The following POLD3 variants were observed in gnomAD, a reference collection of about 807,000 sequenced individuals.
POLD3 encodes the protein DNA polymerase delta subunit 3.
POLD3 carries 19 observed loss-of-function variants against 58.2 expected under a neutral mutation model. The observed-to-expected ratio is 0.33, with a 90% CI of 0.23 to 0.48. The LOEUF is 0.48. POLD3 is among the 20% of genes least tolerant of loss of function. The probability of loss-of-function intolerance (pLI) is 0.99; values close to 1 mark genes in which losing one functional copy is unlikely to be tolerated. For missense variants in POLD3, 504 were observed against 545.5 expected (o/e 0.92, Z 0.76); for synonymous variants, 172 against 193.5 (o/e 0.89, Z 0.92).
At chr11:74,634,056 A>G (rs753576099) in intron 9 of POLD3, among the ~76,000 whole-genome samples, 17 of 152,200 alleles carry the variant, frequency 1.1e-4, no homozygotes, top group Admixed American at 1.3e-4. Context: ...CTCCACATAG[A>G]TCTTGAGAGA....
intron 2 of POLD3, among the ~76,000 whole-genome samples, chr11:74,598,991 A>C (rs903353685): frequency 6.6e-6 from 1 of 152,244 alleles, no homozygotes; most frequent in Non-Finnish European, 1.5e-5. Context: ...AGTGTCAGGC[A>C]CATAATGAAT....
At chr11:74,634,502 C>A in intron 9 of POLD3, 81 bp from the exon 10 acceptor site, 1 of 786,250 alleles carries the variant, frequency 1.3e-6, no homozygotes, top group Non-Finnish European at 2.3e-6. Flanking sequence ...CTGGACATGT[C>A]AATTTAGAGA....
At chr11:74,610,726 A>G (rs985963103) in intron 3 of POLD3, among the ~76,000 whole-genome samples, 17 of 151,594 alleles carry the variant, frequency 1.1e-4, no homozygotes, top group Non-Finnish European at 1.8e-4. Context: ...CCTCTTTCTT[A>G]GCTTATAGCA....
At chr11:74,661,751 G>T (rs980726131) in intron 4 of POLD3, among the ~76,000 whole-genome samples, 1 of 152,212 alleles carries the variant, frequency 6.6e-6, no homozygotes, top group Admixed American at 6.5e-5. Flanking sequence ...AGCCAGCCAG[G>T]TTTGTGTCCT....
chr11:74,608,220 AT>A, intron 3 of POLD3, among the ~76,000 whole-genome samples: 1 of 152,284 alleles, frequency 6.6e-6, no homozygotes, highest in African/African-American at 2.4e-5. Flanking sequence ...GGTCCAAGCG[AT>A]CCCCTTGCCT....
intron 4 of POLD3, among the ~76,000 whole-genome samples, chr11:74,650,638 C>T (rs989217943): frequency 3.3e-5 from 5 of 152,196 alleles, no homozygotes; most frequent in Non-Finnish European, 5.9e-5. Flanking sequence ...TTTCTCTGTT[C>T]ACCTCCTGAG....
At chr11:74,626,709 G>T (rs934876854) in intron 8 of POLD3, among the ~76,000 whole-genome samples, 1 of 152,130 alleles carries the variant, frequency 6.6e-6, no homozygotes, top group Admixed American at 6.6e-5. Context: ...TCTTTATCAA[G>T]TTGCTGTGTC....
chr11:74,658,273 G>A (rs1330933484), intron 4 of POLD3, among the ~76,000 whole-genome samples: 1 of 152,136 alleles, frequency 6.6e-6, no homozygotes, highest in East Asian at 1.9e-4. Flanking sequence ...CACAAAAATA[G>A]CACAGGAAAG....
chr11:74,627,877 G>A (rs2032477577), intron 8 of POLD3, among the ~76,000 whole-genome samples: 1 of 152,126 alleles, frequency 6.6e-6, no homozygotes, highest in Non-Finnish European at 1.5e-5. Flanking sequence ...ATATGTCCCT[G>A]TCATTAAGTG....
intron 8 of POLD3, among the ~76,000 whole-genome samples, chr11:74,628,501 C>T (rs1591311837): frequency 6.6e-6 from 1 of 152,086 alleles, no homozygotes; most frequent in South Asian, 2.1e-4. Context: ...CTCTAACATT[C>T]AGTAGGCCTT....
At chr11:74,593,030 C>T in intron 1 of POLD3, 1 of 1,186,614 alleles carries the variant, frequency 8.4e-7, no homozygotes, top group Non-Finnish European at 1.1e-6. Context: ...CTACACCTTT[C>T]TTTTAAGGTG....
intron 4 of POLD3, among the ~76,000 whole-genome samples, chr11:74,657,368 A>C (rs2033149611): frequency 6.6e-6 from 1 of 151,886 alleles, no homozygotes; most frequent in East Asian, 1.9e-4. Flanking sequence ...CTTTTAGTGA[A>C]GGTAATCTTC....
chr11:74,619,978 A>G, intron 6 of POLD3, 39 bp from the exon 7 acceptor site: 1 of 1,547,264 alleles, frequency 6.5e-7, no homozygotes, highest in Non-Finnish European at 8.9e-7. Context: ...AACAGCCTAA[A>G]TGCCAGCAAA....
At chr11:74,619,947 G>T in intron 6 of POLD3, 70 bp from the exon 7 acceptor site, 1 of 1,221,924 alleles carries the variant, frequency 8.2e-7, no homozygotes. Context: ...AGAAGAGTTT[G>T]TTTGAGACTG....
At position 74,611,495 on chromosome 11, in the gene POLD3, A is replaced by G; in HGVS notation, c.220-4A>G. 1 of 1,548,030 alleles carries G rather than the reference A, an allele frequency of 6.5e-7. No individual in the cohort carries two copies. On this transcript the variant is annotated splice_region_variant and splice_polypyrimidine_tract_variant and intron_variant, in intron 3 of 11. Coordinates refer to ENST00000263681, the MANE Select transcript of POLD3 (RefSeq NM_006591.3). ...AGCACTAATAAAGTGTTATTTTCTT[A>G]CAGTGCCACAAGGTTGCAGTAGTGA...
chr11:74,662,527 C>A (rs1196582755), intron 4 of POLD3, among the ~76,000 whole-genome samples: 1 of 152,042 alleles, frequency 6.6e-6, no homozygotes, highest in Admixed American at 6.5e-5. Flanking sequence ...ACTGCCCTAT[C>A]CTGTCGTGCC....
At chr11:74,622,533 G>A (rs1168700966) in intron 7 of POLD3, among the ~76,000 whole-genome samples, 2 of 152,128 alleles carry the variant, frequency 1.3e-5, no homozygotes, top group African/African-American at 4.8e-5. Context: ...TAATTTATTT[G>A]ACATTTCTTC....
rs2032931558 is a variant in POLD3 at position 74,642,213 on chromosome 11, T to A, written c.*1447T>A. 2.0e-6 allele frequency: 2 copies of A among 985,338 alleles called. No homozygotes were observed. The highest frequency in any genetic ancestry group is 2.4e-6 in the Non-Finnish European group (2 of 829,962). The allele number at this position is 985,338 out of a possible 1,614,324, so 61.0% of individuals were successfully genotyped here. Reference sequence around the variant, plus strand: ...TTTAGCAACCAAGCATGAACTTGATTAAGACCAGAAGTTTGGGAGATGAGT... The same window carrying A: ...TTTAGCAACCAAGCATGAACTTGATAAAGACCAGAAGTTTGGGAGATGAGT... On this transcript the variant is annotated 3_prime_UTR_variant, in exon 12 of 12. Coordinates refer to ENST00000263681, the MANE Select transcript of POLD3 (RefSeq NM_006591.3).
chr11:74,662,248 C>T (rs1397185433), intron 4 of POLD3, among the ~76,000 whole-genome samples: 4 of 152,124 alleles, frequency 2.6e-5, no homozygotes, highest in Non-Finnish European at 4.4e-5. Context: ...TTTTCTCAAG[C>T]GGGAGTCTCT....
Sources: gnomAD v4.1 joint callset for allele counts (sites outside exome capture counted in the v4.1 genomes callset) on GRCh38, gnomAD v4.1.1 for gene constraint, MANE v1.5 for transcripts, NCBI Gene and HGNC (gene_info 2026-07-23, HGNC 2026-07-21) for gene names.